HM13: variants seen among roughly 807,000 people sequenced by gnomAD.
HM13 encodes histocompatibility minor 13, also known as signal peptide peptidase.
Under a neutral mutation model 50.0 loss-of-function variants are expected in HM13, and 18 were observed. The observed-to-expected ratio is 0.36, with a 90% confidence interval of 0.25 to 0.53. The LOEUF is 0.53. HM13 is among the 20% of genes least tolerant of loss of function. The pLI is 0.90. For synonymous variants in HM13, 197 were observed against 232.6 expected (o/e 0.85, Z 1.39); for missense variants, 393 against 552.4 (o/e 0.71, Z 2.89).
intron 1 of HM13, among the ~76,000 whole-genome samples, chr20:31,521,372 A>C (rs890221835): frequency 6.6e-6 from 1 of 152,174 alleles, no homozygotes; most frequent in African/African-American, 2.4e-5. Context: ...GCTGTGTGAC[A>C]CTAAGCAAGT....
chr20:31,539,510 A>G (rs760087998), intron 3 of HM13: 62 of 985,526 alleles, frequency 6.3e-5, no homozygotes, highest in East Asian at 1.1e-4. Flanking sequence ...TTGAAAGCCA[A>G]TATGAGGCCA....
At chr20:31,529,318 T>C (rs1982675692) in intron 2 of HM13, among the ~76,000 whole-genome samples, 1 of 151,254 alleles carries the variant, frequency 6.6e-6, no homozygotes, top group Non-Finnish European at 1.5e-5. Context: ...CAATCATGGC[T>C]CACTACAGCC....
intron 1 of HM13, among the ~76,000 whole-genome samples, chr20:31,522,461 C>T (rs1982225867): frequency 6.6e-6 from 1 of 151,776 alleles, no homozygotes; most frequent in African/African-American, 2.4e-5. Flanking sequence ...ACTCAGGAGG[C>T]CGAGGCAGAG....
At chr20:31,530,780 A>C (rs1277182798) in intron 2 of HM13, among the ~76,000 whole-genome samples, 2 of 152,136 alleles carry the variant, frequency 1.3e-5, no homozygotes, top group Admixed American at 6.6e-5. Flanking sequence ...AGGTCTGTCC[A>C]GTGTTGGGGT....
intron 10 of HM13, among the ~76,000 whole-genome samples, chr20:31,562,944 T>G (rs1166693756): frequency 1.3e-5 from 2 of 152,162 alleles, no homozygotes; most frequent in African/African-American, 4.8e-5. Flanking sequence ...TTTGGAGGTC[T>G]CTGCAGCTCC....
At position 31,566,871 on chromosome 20, in the gene HM13, C is replaced by T. The variant is rs114349317; in HGVS notation, c.1034+576C>T. 4.9e-3 allele frequency among the ~76,000 whole-genome samples: 742 copies of T among 152,230 alleles called. 7 individuals are homozygous for T. Among genetic ancestry groups the T allele is most frequent in the African/African-American group, 0.017 (698 of 41,516 alleles). On this transcript the variant is annotated intron_variant, in intron 11 of 12. Coordinates refer to ENST00000398174, the MANE Select transcript of HM13 (RefSeq NM_178581.3). ...ACCCTGCACACAGCCCCACCCATAC[C>T]GCAAGGCCTGCGTGACTCCAACAGG... is the stretch of plus-strand genomic sequence containing the variant.
At chr20:31,568,302 C>T (rs1937316609) in intron 12 of HM13, 78 bp downstream of exon 12, 1 of 1,557,490 alleles carries the variant, frequency 6.4e-7, no homozygotes, top group Non-Finnish European at 8.7e-7. Context: ...ACTGCAGCTC[C>T]AGTGCATAGG....
chr20:31,539,231 A>G, intron 3 of HM13: 1 of 985,456 alleles, frequency 1.0e-6, no homozygotes, highest in Non-Finnish European at 1.2e-6. Context: ...CTGCTCACCA[A>G]ATGGGAGTTG....
At chr20:31,560,112 C>G (rs1433879827) in intron 9 of HM13, among the ~76,000 whole-genome samples, 1 of 152,232 alleles carries the variant, frequency 6.6e-6, no homozygotes, top group African/African-American at 2.4e-5. Flanking sequence ...TCTAGCTGTT[C>G]CCTGCCCTCT....
Position 31,514,456 on chromosome 20 carries a change from TA to T in HM13, c.-95del. ...GGGAGCACGTCACTTCCTGTTGCCT[TA>T]GGGGAACGTGGCTTTCCCTGCAGAG... On this transcript the variant is annotated 5_prime_UTR_variant, in exon 1 of 13. Transcript: ENST00000398174. The surrounding 1 kb of genome is among the most constrained non-coding windows in gnomAD (Gnocchi z 4.3). The T allele has an allele frequency of 7.2e-7, 1 of 1,379,614 alleles. No individual in the cohort carries two copies. The highest frequency in any genetic ancestry group is 9.9e-7 in the Non-Finnish European group (1 of 1,009,854). The allele number at this position is 1,379,614 out of a possible 1,614,324, so 85.5% of individuals were successfully genotyped here. A position where few individuals can be genotyped will look rare whatever the true frequency, so the allele number is the denominator to read the frequency against.
intron 4 of HM13, chr20:31,548,108 G>C: frequency 9.0e-7 from 1 of 1,113,630 alleles, no homozygotes; most frequent in Non-Finnish European, 1.4e-6. Flanking sequence ...TCGTATGTGT[G>C]TTTGTGTCTG....
Position 31,550,093 on chromosome 20 carries a change from G to A in HM13, c.696G>A (p.Val232=). The change falls in exon 7 of 13, where the codon GTG becomes GTA. Residue 232 remains valine (V), a synonymous_variant. Coordinates refer to ENST00000398174, the MANE Select transcript of HM13 (RefSeq NM_178581.3). The part of the protein sequence containing the change: ...WVFGTNVMVT[V]AKSFEAPIKL... Reference sequence around the variant, plus strand: ...TTGGCACCAATGTGATGGTGACAGTGGCCAAGTCCTTCGAGGCACCAATAA... The same window carrying A: ...TTGGCACCAATGTGATGGTGACAGTAGCCAAGTCCTTCGAGGCACCAATAA... 1 of 1,613,782 alleles carries A rather than the reference G, an allele frequency of 6.2e-7. No homozygotes were observed. Among genetic ancestry groups the A allele is most frequent in the South Asian group, 1.1e-5 (1 of 91,070 alleles).
At chr20:31,551,971 G>A (rs1333343690) in intron 7 of HM13, among the ~76,000 whole-genome samples, 1 of 152,162 alleles carries the variant, frequency 6.6e-6, no homozygotes, top group Non-Finnish European at 1.5e-5. Flanking sequence ...CACTCCCACT[G>A]GAGAGATGGA....
At chr20:31,532,510 CT>C (rs963475921) in intron 2 of HM13, among the ~76,000 whole-genome samples, 126 of 147,500 alleles carry the variant, frequency 8.5e-4, no homozygotes, top group Middle Eastern at 3.5e-3. Flanking sequence ...GGCCCCCCTA[CT>C]TTTTTTTTTT....
intron 3 of HM13, chr20:31,540,186 C>G (rs1236811895): frequency 6.6e-6 from 1 of 152,244 alleles, no homozygotes; most frequent in African/African-American, 2.4e-5. Context: ...TTCTAGCTAG[C>G]TTGGGAGAAT....
intron 7 of HM13, among the ~76,000 whole-genome samples, chr20:31,551,385 A>G (rs1258205461): frequency 1.3e-5 from 2 of 152,190 alleles, no homozygotes; most frequent in African/African-American, 4.8e-5. Flanking sequence ...AGCTCCCAGC[A>G]CTGACTCCTC....
intron 1 of HM13, among the ~76,000 whole-genome samples, chr20:31,522,923 A>G (rs1982257599): frequency 6.6e-6 from 1 of 151,672 alleles, no homozygotes; most frequent in African/African-American, 2.4e-5. Context: ...GTCCAAATGG[A>G]CTTCCTGATC....
intron 2 of HM13, chr20:31,528,124 G>A (rs1051429717): frequency 1.8e-4 from 27 of 152,172 alleles, no homozygotes; most frequent in African/African-American, 6.5e-4. Context: ...TCAGTTTGTA[G>A]CTGCTTTTTT....
intron 2 of HM13, among the ~76,000 whole-genome samples, chr20:31,530,279 A>G (rs1982734809): frequency 6.6e-6 from 1 of 152,070 alleles, no homozygotes; most frequent in Non-Finnish European, 1.5e-5. Flanking sequence ...TCCCCAATAC[A>G]GTTTCCTGTG....
Sources: gnomAD v4.1 joint callset for allele counts (sites outside exome capture counted in the v4.1 genomes callset) on GRCh38, gnomAD v4.1.1 for gene constraint, Gnocchi (gnomAD v3.1) non-coding constraint, MANE v1.5 for transcripts, NCBI Gene and HGNC (gene_info 2026-07-23, HGNC 2026-07-21) for gene names.